The following RPL37A variants were observed in gnomAD, a reference collection of about 807,000 sequenced individuals.
RPL37A encodes the protein ribosomal protein L37a.
Under a neutral mutation model 13.6 loss-of-function variants are expected in RPL37A, and 5 were observed. The ratio of observed to expected loss-of-function variants is 0.37; its 90% CI spans 0.19 to 0.78. The LOEUF (loss-of-function observed/expected upper bound fraction) is 0.78, where lower values mean the gene tolerates loss of function less well. RPL37A is among the 30% of genes least tolerant of loss of function. The probability of loss-of-function intolerance (pLI) is 0.49; values close to 1 mark genes in which losing one functional copy is unlikely to be tolerated. For missense variants in RPL37A, 77 were observed against 120.0 expected (o/e 0.64, Z 1.67); for synonymous variants, 50 against 44.4 (o/e 1.13, Z -0.50).
At chr2:216,500,139 T>G (rs1262509408) in intron 3 of RPL37A, 108 bp downstream of exon 3, 2 of 781,148 alleles carry the variant, frequency 2.6e-6, no homozygotes, top group African/African-American at 1.7e-5. Flanking sequence ...ACTGAGAGAA[T>G]AAGGATGCCT....
In RPL37A at chr2:216,503,861, G is replaced by C. The variant is rs1034538626; in HGVS notation, c.*2457G>C. 10 of 152,254 alleles carry C rather than the reference G, an allele frequency of 6.6e-5. 1 individual carries two copies. Among genetic ancestry groups the C allele is most frequent in the South Asian group, 6.2e-4 (3 of 4,830 alleles). The allele number at this position is 152,254 out of a possible 1,614,324, so 9.4% of individuals were successfully genotyped here. ...GATAGGGCTGAAGATTAGATTTCTG[G>C]CTCCTATCTGTGATTTTCTGCTGTA... On this transcript the variant is annotated 3_prime_UTR_variant, in exon 4 of 4. Transcript: ENST00000491306.
At chr2:216,499,104 G>T in intron 1 of RPL37A, 166 bp from the exon 2 acceptor site, 2 of 1,170,616 alleles carry the variant, frequency 1.7e-6, no homozygotes, top group Non-Finnish European at 2.4e-6. Context: ...GGAGCGCGCG[G>T]CCAGCCCTGG....
chr2:216,499,582 A>AT lies in RPL37A; in HGVS notation c.132+187dup, dbSNP rs1043002953. The AT allele has an allele frequency of 7.6e-6, 6 of 789,054 alleles. No homozygotes were observed. The Admixed American group carries it at 8.8e-5, about 12-fold the overall frequency. The allele number at this position is 789,054 out of a possible 1,614,324, so 48.9% of individuals were successfully genotyped here. ...CTTCAGATTTTGTGAGACGTTTTTC[A>AT]TTTAAAGAAAACCGCTTAAACGTTA... is the stretch of plus-strand genomic sequence containing the variant. On this transcript the variant is annotated intron_variant, in intron 2 of 3. Coordinates refer to ENST00000491306, the MANE Select transcript of RPL37A (RefSeq NM_000998.5).
Position 216,502,894 on chromosome 2 carries a change from C to A in RPL37A, c.*1490C>A, listed in dbSNP as rs1271113938. 6.6e-6 allele frequency: 1 copy of A among 152,204 alleles called. No homozygotes were observed. Among genetic ancestry groups the A allele is most frequent in the Non-Finnish European group, 1.5e-5 (1 of 68,048 alleles). 9.4% of individuals were successfully genotyped at this position (152,204 alleles called of 1,614,324 possible). On this transcript the variant is annotated 3_prime_UTR_variant, in exon 4 of 4. Coordinates refer to ENST00000491306, the MANE Select transcript of RPL37A (RefSeq NM_000998.5). ...ATTGCCTCTGGCAGAAACATCGCTA[C>A]CCCAGGAGAATACTTCACTGGGTCA...
At chr2:216,499,833 G>C in intron 2 of RPL37A, 116 bp from the exon 3 acceptor site, 3 of 886,696 alleles carry the variant, frequency 3.4e-6, no homozygotes, top group Non-Finnish European at 5.6e-6. Context: ...GTTTTTGAGG[G>C]AGAAAGGGAG....
At chr2:216,499,196 G>C in intron 1 of RPL37A, 74 bp from the exon 2 acceptor site, 1 of 1,517,130 alleles carries the variant, frequency 6.6e-7, no homozygotes, top group Non-Finnish European at 8.9e-7. Flanking sequence ...TGAGGTGGAG[G>C]AACGGTGTGT....
rs1378238506 is a variant in RPL37A at position 216,502,363 on chromosome 2, A to T, written c.*959A>T. 2 of 152,206 alleles carry T rather than the reference A, an allele frequency of 1.3e-5. No individual in the cohort carries two copies. The highest frequency in any genetic ancestry group is 4.8e-5 in the African/African-American group (2 of 41,452). The allele number at this position is 152,206 out of a possible 1,614,324, so 9.4% of individuals were successfully genotyped here. The stretch of plus-strand genomic sequence containing the variant: ...GAAGGTAAAAGATATACTAAAGGAT[A>T]TACATATACTGCCTCTTCTATGATG... On this transcript the variant is annotated 3_prime_UTR_variant, in exon 4 of 4. Transcript: ENST00000491306.
At chr2:216,499,142 G>A (rs1695552167) in intron 1 of RPL37A, 128 bp from the exon 2 acceptor site, 1 of 1,292,912 alleles carries the variant, frequency 7.7e-7, no homozygotes, top group Non-Finnish European at 1.1e-6. Context: ...TTGAATTTAG[G>A]GAAAACTAGG....
intron 2 of RPL37A, 159 bp downstream of exon 2, chr2:216,499,557 CTT>C (rs1695560913): frequency 3.3e-6 from 3 of 903,982 alleles, no homozygotes; most frequent in African/African-American, 3.4e-5. Context: ...TTGATGGTAA[CTT>C]CAGATTTTGT....
intron 3 of RPL37A, 186 bp downstream of exon 3, chr2:216,500,217 A>G: frequency 1.6e-6 from 1 of 607,492 alleles, no homozygotes; most frequent in Middle Eastern, 4.4e-4. Flanking sequence ...CAAAACTACC[A>G]AAATAGAAGT....
At position 216,499,274 on chromosome 2, in the gene RPL37A, A is replaced by G. The variant is rs1010066535; in HGVS notation, c.8A>G (p.Lys3Arg). ...TTCTCCCTTCACTCTAAACAGGCCAAACGTACCAAGAAAGTCGGGATCGTC... is the reference window on the plus strand; with the variant it reads ...TTCTCCCTTCACTCTAAACAGGCCAGACGTACCAAGAAAGTCGGGATCGTC... MA[K>R]RTKKVGIVGK... Residue 3 changes from lysine (K) to arginine (R), a missense_variant, in exon 2 of 4, where the codon AAA (lysine) becomes AGA (arginine). Physicochemically the swap from Lys to Arg is conservative, Grantham distance 26. Around this residue, in one of 3 missense-constraint regions of RPL37A, gnomAD observed 11 missense variants for 36.0 expected, o/e 0.31. Coordinates refer to ENST00000491306, the MANE Select transcript of RPL37A (RefSeq NM_000998.5). 7.4e-6 allele frequency: 12 copies of G among 1,612,420 alleles called. No homozygotes were observed. Among genetic ancestry groups the G allele is most frequent in the Non-Finnish European group, 9.3e-6 (11 of 1,179,784 alleles).
intron 1 of RPL37A, 92 bp downstream of exon 1, chr2:216,498,969 C>A: frequency 1.3e-6 from 2 of 1,535,504 alleles, no homozygotes; most frequent in South Asian, 2.2e-5. Flanking sequence ...CCTGCCTTAC[C>A]CCGTGTTCTC....
In RPL37A at chr2:216,499,338, A is replaced by G. The variant is rs772145773; in HGVS notation, c.72A>G (p.Lys24=). ...YGTRYGASLR[K]MVKKIEISQH... ...CCCGCTATGGGGCCTCCCTCCGGAA[A>G]ATGGTGAAGAAAATTGAAATCAGCC... Residue 24 remains lysine, a synonymous_variant, in exon 2 of 4, where the codon AAA becomes AAG. Transcript: ENST00000491306. The G allele has an allele frequency of 1.1e-4, 170 of 1,614,014 alleles. No individual in the cohort carries two copies. Among genetic ancestry groups the G allele is most frequent in the Non-Finnish European group, 1.4e-4 (165 of 1,180,020 alleles).
chr2:216,501,883 A>G lies in RPL37A; in HGVS notation c.*479A>G, dbSNP rs1559145772. ...CAGGCACGCACCACCATACCTGGCT[A>G]ATTTTTGTATTTTGAGTAGAGATGG... On this transcript the variant is annotated 3_prime_UTR_variant, in exon 4 of 4. Coordinates refer to ENST00000491306, the MANE Select transcript of RPL37A (RefSeq NM_000998.5). 1.3e-5 allele frequency: 2 copies of G among 153,582 alleles called. No homozygotes were observed. The allele number at this position is 153,582 out of a possible 1,614,324, so 9.5% of individuals were successfully genotyped here.
chr2:216,501,550 G>A lies in RPL37A; in HGVS notation c.*146G>A. 4 of 544,830 alleles carry A rather than the reference G, an allele frequency of 7.3e-6. No homozygotes were observed. Among genetic ancestry groups the A allele is most frequent in the Non-Finnish European group, 1.3e-5 (4 of 307,402 alleles). The allele number at this position is 544,830 out of a possible 1,614,324, so 33.7% of individuals were successfully genotyped here. A position where few individuals can be genotyped will look rare whatever the true frequency, so the allele number is the denominator to read the frequency against. On this transcript the variant is annotated 3_prime_UTR_variant, in exon 4 of 4. Transcript: ENST00000491306. Reference sequence around the variant, plus strand: ...TTGTATTGGAAAAGCATGCCAAGATGGATTATTGTAATTCAGTGTCTTTTT... The same window carrying A: ...TTGTATTGGAAAAGCATGCCAAGATAGATTATTGTAATTCAGTGTCTTTTT...
rs767414436 is a variant in RPL37A, at chr2:216,499,369, G to A, written c.103G>A (p.Ala35Thr). 33 of 1,614,032 alleles carry A rather than the reference G, an allele frequency of 2.0e-5. No individual in the cohort carries two copies. The highest frequency in any genetic ancestry group is 2.6e-5 in the Non-Finnish European group (31 of 1,180,030). Residue 35 changes from alanine to threonine, a missense_variant, in exon 2 of 4, where the codon GCC becomes ACC. Physicochemically the swap from Ala to Thr is moderately conservative, Grantham distance 58. This residue lies in a region of RPL37A where 59 missense variants were observed against 65.5 expected (regional missense o/e 0.90). Coordinates refer to ENST00000491306, the MANE Select transcript of RPL37A (RefSeq NM_000998.5). ...MVKKIEISQH[A>T]KYTCSFCGKT... ...GAAGAAAATTGAAATCAGCCAGCACGCCAAGTACACTTGCTCTTTCTGTGG... is the reference window on the plus strand; with the variant it reads ...GAAGAAAATTGAAATCAGCCAGCACACCAAGTACACTTGCTCTTTCTGTGG...
Position 216,501,444 on chromosome 2 carries a change from A to C in RPL37A, c.*40A>C. On this transcript the variant is annotated 3_prime_UTR_variant, in exon 4 of 4. Coordinates refer to ENST00000491306, the MANE Select transcript of RPL37A (RefSeq NM_000998.5). ...TTTGAGACATCACTGGCCTATAATA[A>C]ATGGGTTAATTTATGTAACAAAATT... The C allele has an allele frequency of 7.0e-7, 1 of 1,433,592 alleles. No homozygotes were observed. The highest frequency in any genetic ancestry group is 9.8e-7 in the Non-Finnish European group (1 of 1,024,892). The allele number at this position is 1,433,592 out of a possible 1,614,324, so 88.8% of individuals were successfully genotyped here.
chr2:216,500,041 G>T lies in RPL37A; in HGVS notation c.215+10G>T, dbSNP rs2272243. The T allele has an allele frequency of 0.065, 105,178 of 1,607,678 alleles. 5,434 individuals are homozygous for T. Among genetic ancestry groups the T allele is most frequent in the African/African-American group, 0.26 (19,329 of 74,798 alleles). ...GTGCCTGGACGTACAAGTGAGTCTA[G>T]TTCCTTGTGGTATTTGGAAGTGTGT... On this transcript the variant is annotated intron_variant, in intron 3 of 3. Transcript: ENST00000491306.
intron 2 of RPL37A, 85 bp from the exon 3 acceptor site, chr2:216,499,863 TA>T: frequency 8.7e-7 from 1 of 1,144,634 alleles, no homozygotes; most frequent in East Asian, 2.3e-5. Flanking sequence ...TCCCTGACAA[TA>T]AGGTGAATCC....
Sources: allele counts gnomAD v4.1 joint callset, GRCh38; gene constraint gnomAD v4.1.1; regional missense constraint gnomAD v4.1.1; transcripts MANE v1.5; gene names NCBI Gene and HGNC (gene_info 2026-07-23, HGNC 2026-07-21).